The following FBXW11 variants were observed in gnomAD, a reference collection of about 807,000 sequenced individuals.
FBXW11 encodes F-box/WD repeat-containing protein 11.
In FBXW11, 19 loss-of-function variants were observed where a neutral mutation model predicts 77.6. The ratio of observed to expected loss-of-function variants is 0.24; its 90% CI spans 0.17 to 0.36. FBXW11 has a LOEUF of 0.36. Among genes scored for constraint, FBXW11 ranks in the 10% least tolerant of loss-of-function variants. The pLI is 1.00. For missense variants in FBXW11, 334 were observed against 704.2 expected (o/e 0.47, Z 5.95); for synonymous variants, 235 against 249.4 (o/e 0.94, Z 0.54).
chr5:171,989,723 T>C (rs1403231628), intron 1 of FBXW11, among the ~76,000 whole-genome samples: 1 of 152,256 alleles, frequency 6.6e-6, no homozygotes, highest in Non-Finnish European at 1.5e-5. Flanking sequence ...GTACTTTGTT[T>C]GGATCCTGTT....
intron 2 of FBXW11, among the ~76,000 whole-genome samples, chr5:171,915,281 A>G (rs1761151965): frequency 1.3e-5 from 2 of 152,224 alleles, no homozygotes; most frequent in Non-Finnish European, 2.9e-5. Context: ...TTTGTCTCAT[A>G]GTATTATTCA....
At chr5:171,914,741 T>A (rs910097538) in intron 2 of FBXW11, among the ~76,000 whole-genome samples, 1 of 152,164 alleles carries the variant, frequency 6.6e-6, no homozygotes, top group Non-Finnish European at 1.5e-5. Flanking sequence ...CAAAGACCCA[T>A]GAGGTTTCCG....
intron 2 of FBXW11, among the ~76,000 whole-genome samples, chr5:171,948,304 G>A (rs1763125682): frequency 6.8e-6 from 1 of 148,112 alleles, no homozygotes; most frequent in East Asian, 2.0e-4. Flanking sequence ...AAAACAAAAA[G>A]TATAGATAGA....
intron 1 of FBXW11, chr5:171,996,835 T>C: frequency 8.5e-7 from 1 of 1,177,880 alleles, no homozygotes. Context: ...TTTTTCAAAA[T>C]TTCTTTCAGC....
rs746307930 is a variant in FBXW11 at position 171,876,329 on chromosome 5, C to T, written c.1177G>A (p.Asp393Asn). Residue 393 changes from aspartate (D) to asparagine (N), a missense_variant, in exon 9 of 14, where the codon GAC becomes AAC. Around this residue, in one of 10 missense-constraint regions of FBXW11, gnomAD observed 50 missense variants for 119.6 expected, o/e 0.42. Coordinates refer to ENST00000517395, the MANE Select transcript of FBXW11 (RefSeq NM_001378974.1). This position sits in a 1 kb window ranked among gnomAD's most constrained non-coding sequence, Gnocchi z 4.2. Reference sequence around the variant, plus strand: ...GAGGCAGACACGATGTACTTGTCGTCAAAGTCTACTACATTGACGGCAGCC... The same window carrying T: ...GAGGCAGACACGATGTACTTGTCGTTAAAGTCTACTACATTGACGGCAGCC... The part of the protein sequence containing the change: ...HRAAVNVVDF[D>N]DKYIVSASGD... 1 of 1,614,224 alleles carries T rather than the reference C, an allele frequency of 6.2e-7. No homozygotes were observed. The highest frequency in any genetic ancestry group is 1.1e-5 in the South Asian group (1 of 91,082).
chr5:171,983,797 G>C (rs1765287628), intron 1 of FBXW11, among the ~76,000 whole-genome samples: 1 of 152,116 alleles, frequency 6.6e-6, no homozygotes, highest in African/African-American at 2.4e-5. Flanking sequence ...CAGTAATTCT[G>C]TTGGGTTCTC....
At chr5:171,937,670 A>C (rs1762545469) in intron 2 of FBXW11, among the ~76,000 whole-genome samples, 1 of 152,054 alleles carries the variant, frequency 6.6e-6, no homozygotes. Flanking sequence ...CTACTAAAAA[A>C]TACAAAAATT....
chr5:171,876,195 C>T lies in FBXW11; in HGVS notation c.1221+90G>A. ...GCACAGAGGAGAATAAAGATCTTGCCAGGTACCAGGTTGGTATAAGCCACC... is the reference window on the plus strand; with the variant it reads ...GCACAGAGGAGAATAAAGATCTTGCTAGGTACCAGGTTGGTATAAGCCACC... On this transcript the variant is annotated intron_variant, in intron 9 of 13. Transcript: ENST00000517395. The surrounding 1 kb of genome is among the most constrained non-coding windows in gnomAD (Gnocchi z 4.2). 1 of 1,477,058 alleles carries T rather than the reference C, an allele frequency of 6.8e-7. No homozygotes were observed. Among genetic ancestry groups the T allele is most frequent in the South Asian group, 1.2e-5 (1 of 80,538 alleles). The allele number at this position is 1,477,058 out of a possible 1,614,324, so 91.5% of individuals were successfully genotyped here.
At chr5:171,983,309 C>A (rs987619126) in intron 1 of FBXW11, among the ~76,000 whole-genome samples, 2 of 152,224 alleles carry the variant, frequency 1.3e-5, no homozygotes, top group Non-Finnish European at 2.9e-5. Context: ...TCACCCTACA[C>A]ATCTCTTCAT....
At chr5:172,005,554 G>A (rs1444432581) in intron 1 of FBXW11, among the ~76,000 whole-genome samples, 1 of 152,158 alleles carries the variant, frequency 6.6e-6, no homozygotes, top group Non-Finnish European at 1.5e-5. Context: ...AGCTTCGGAG[G>A]AGGGTGGAGG....
chr5:171,963,199 A>G (rs1482547874), intron 1 of FBXW11, among the ~76,000 whole-genome samples: 1 of 151,994 alleles, frequency 6.6e-6, no homozygotes, highest in East Asian at 1.9e-4. Flanking sequence ...ACACACACAC[A>G]CACACACATA....
At chr5:171,932,640 C>T (rs1033321568) in intron 2 of FBXW11, among the ~76,000 whole-genome samples, 1 of 152,104 alleles carries the variant, frequency 6.6e-6, no homozygotes. Context: ...GACAATTTGG[C>T]AGTTTCTTAC....
intron 7 of FBXW11, among the ~76,000 whole-genome samples, chr5:171,884,528 T>C (rs753572794): frequency 4.6e-5 from 7 of 152,234 alleles, no homozygotes; most frequent in Non-Finnish European, 7.3e-5. Context: ...ACATGGGCTC[T>C]TTTTTGGTTC....
intron 3 of FBXW11, among the ~76,000 whole-genome samples, chr5:171,913,875 A>AAC (rs1554099817): frequency 6.7e-6 from 1 of 150,222 alleles, no homozygotes; most frequent in African/African-American, 2.5e-5. Flanking sequence ...ACACACACAC[A>AAC]ACCTGGGAAA....
chr5:171,879,008 A>C (rs1047659721), intron 7 of FBXW11, among the ~76,000 whole-genome samples: 20 of 152,232 alleles, frequency 1.3e-4, no homozygotes, highest in Admixed American at 1.3e-3. Context: ...TACAAAGTTA[A>C]GCATTTTAAA....
chr5:171,920,949 C>A (rs754693092), intron 2 of FBXW11, among the ~76,000 whole-genome samples: 2 of 151,998 alleles, frequency 1.3e-5, no homozygotes, highest in Non-Finnish European at 2.9e-5. Context: ...GAAAGTGGAC[C>A]CCATTGCATC....
intron 2 of FBXW11, among the ~76,000 whole-genome samples, chr5:171,923,534 T>G (rs1761711831): frequency 6.6e-6 from 1 of 152,234 alleles, no homozygotes; most frequent in Non-Finnish European, 1.5e-5. Context: ...TCATTTAAAA[T>G]TCATCTTTAC....
At chr5:171,866,959 T>C (rs1341550377) in intron 13 of FBXW11, among the ~76,000 whole-genome samples, 2 of 152,144 alleles carry the variant, frequency 1.3e-5, no homozygotes, top group South Asian at 2.1e-4. Flanking sequence ...AGACCCATAA[T>C]AGCAAATAGG....
At chr5:171,954,178 A>C (rs1008760243) in intron 2 of FBXW11, among the ~76,000 whole-genome samples, 1 of 152,172 alleles carries the variant, frequency 6.6e-6, no homozygotes, top group Non-Finnish European at 1.5e-5. Context: ...TAACTCCAAA[A>C]ATTAAGGGGA....
Sources: gnomAD v4.1 joint callset for allele counts (sites outside exome capture counted in the v4.1 genomes callset) on GRCh38, gnomAD v4.1.1 for gene constraint, gnomAD v4.1.1 regional missense constraint, Gnocchi (gnomAD v3.1) non-coding constraint, MANE v1.5 for transcripts, NCBI Gene and HGNC (gene_info 2026-07-23, HGNC 2026-07-21) for gene names.